CNTN1: variants seen among roughly 807,000 people sequenced by gnomAD.
CNTN1 encodes the protein contactin 1.
A neutral mutation model predicts 126.4 loss-of-function variants in CNTN1; 38 were observed. That is an observed-to-expected ratio of 0.30 (90% CI 0.23 to 0.39). The LOEUF is 0.39. CNTN1 is among the 10% of genes least tolerant of loss of function. The probability of loss-of-function intolerance (pLI) is 1.00; values close to 1 mark genes in which losing one functional copy is unlikely to be tolerated. For missense variants in CNTN1, 1,009 were observed against 1,248.4 expected (o/e 0.81, Z 2.89); for synonymous variants, 413 against 422.6 (o/e 0.98, Z 0.28).
intron 1 of CNTN1, among the ~76,000 whole-genome samples, chr12:40,783,093 C>G (rs1228150394): frequency 6.6e-6 from 1 of 151,830 alleles, no homozygotes; most frequent in African/African-American, 2.4e-5. Context: ...TGAGTTTGGT[C>G]TCTATTTTGC....
At chr12:41,010,721 C>G (rs1316572788) in intron 17 of CNTN1, among the ~76,000 whole-genome samples, 1 of 152,158 alleles carries the variant, frequency 6.6e-6, no homozygotes, top group East Asian at 1.9e-4. Context: ...CTGCAGGATT[C>G]TCATCTGGTT....
chr12:40,933,884 TA>T lies in CNTN1; in HGVS notation c.985+7del. The T allele has an allele frequency of 6.2e-7, 1 of 1,603,878 alleles. No homozygotes were observed. On this transcript the variant is annotated splice_region_variant and intron_variant, in intron 9 of 23. Transcript: ENST00000551295. ...AGCAAGAATTTATGTTCAAGGTAGA[TA>T]CATTATTTTAATTTTGTATAAATTT...
intron 12 of CNTN1, among the ~76,000 whole-genome samples, chr12:40,942,292 T>C (rs974083877): frequency 2.0e-5 from 3 of 151,968 alleles, no homozygotes; most frequent in Non-Finnish European, 2.9e-5. Flanking sequence ...TGGCAATGCA[T>C]GGGAGGGAAA....
intron 23 of CNTN1, among the ~76,000 whole-genome samples, chr12:41,042,170 T>G (rs1019135633): frequency 5.3e-5 from 8 of 152,288 alleles, no homozygotes; most frequent in Admixed American, 2.0e-4. Flanking sequence ...CATTTCGTTA[T>G]GTACCCAGTA....
At chr12:40,869,340 C>T (rs575660278) in intron 1 of CNTN1, among the ~76,000 whole-genome samples, 4 of 151,440 alleles carry the variant, frequency 2.6e-5, no homozygotes, top group Admixed American at 2.6e-4. Context: ...TATCACAGCC[C>T]ACTACAGCCT....
intron 1 of CNTN1, among the ~76,000 whole-genome samples, chr12:40,704,496 G>C (rs1209535106): frequency 6.6e-6 from 1 of 151,992 alleles, no homozygotes; most frequent in Admixed American, 6.6e-5. Flanking sequence ...CTTTTTCACA[G>C]CTTCTTTGAT....
chr12:40,947,584 T>C (rs1390314040), intron 14 of CNTN1, among the ~76,000 whole-genome samples: 1 of 151,838 alleles, frequency 6.6e-6, no homozygotes, highest in Non-Finnish European at 1.5e-5. Flanking sequence ...AAATATCTCA[T>C]TTTATTCCTC....
At chr12:40,925,607 GTGTATATATATATATACACA>G (rs1945636243) in intron 6 of CNTN1, among the ~76,000 whole-genome samples, 2 of 141,602 alleles carry the variant, frequency 1.4e-5, no homozygotes, top group African/African-American at 2.6e-5. Context: ...ATATATATAC[GTGTATATATATATATACACA>G]TATATATATA....
At chr12:41,069,920 T>C (rs1950128404) in intron 23 of CNTN1, 39 bp from the exon 24 acceptor site, 2 of 1,519,212 alleles carry the variant, frequency 1.3e-6, no homozygotes, top group Non-Finnish European at 1.8e-6. Context: ...GTGACATGTA[T>C]CAATGAAATA....
At chr12:40,719,709 T>C (rs533865666) in intron 1 of CNTN1, among the ~76,000 whole-genome samples, 2 of 152,246 alleles carry the variant, frequency 1.3e-5, no homozygotes, top group Non-Finnish European at 2.9e-5. Flanking sequence ...GCTACATAAC[T>C]GTAGATCTTA....
At chr12:40,880,520 A>G (rs1311367141) in intron 1 of CNTN1, among the ~76,000 whole-genome samples, 3 of 152,072 alleles carry the variant, frequency 2.0e-5, no homozygotes, top group Non-Finnish European at 4.4e-5. Flanking sequence ...TGAGAATGCT[A>G]GAAAGGAGAG....
chr12:40,915,740 T>G (rs1425463240), intron 3 of CNTN1, among the ~76,000 whole-genome samples: 1 of 152,070 alleles, frequency 6.6e-6, no homozygotes, highest in African/African-American at 2.4e-5. Context: ...TTTTTTTTTC[T>G]TTGATAGATC....
chr12:41,012,421 G>C (rs539772633), intron 17 of CNTN1, among the ~76,000 whole-genome samples: 1 of 152,294 alleles, frequency 6.6e-6, no homozygotes, highest in South Asian at 2.1e-4. Context: ...AGTTATGACA[G>C]TTGCCAACAG....
chr12:41,010,109 GAA>G (rs1491131035), intron 17 of CNTN1, among the ~76,000 whole-genome samples: 2 of 151,506 alleles, frequency 1.3e-5, no homozygotes, highest in African/African-American at 4.9e-5. Flanking sequence ...TTAGAGAGGA[GAA>G]GAGAGAGAGA....
chr12:40,940,072 A>T (rs918170341), intron 12 of CNTN1, among the ~76,000 whole-genome samples: 11 of 152,186 alleles, frequency 7.2e-5, no homozygotes, highest in Non-Finnish European at 1.5e-4. Flanking sequence ...AGCCACACTG[A>T]ATAGTTTATA....
intron 1 of CNTN1, among the ~76,000 whole-genome samples, chr12:40,850,317 CCA>C (rs1453337155): frequency 6.6e-6 from 1 of 152,042 alleles, no homozygotes. Context: ...ATAGACTAGG[CCA>C]CAGTTATTTT....
intron 1 of CNTN1, among the ~76,000 whole-genome samples, chr12:40,694,070 CG>C (rs1941382239): frequency 6.6e-6 from 1 of 152,092 alleles, no homozygotes; most frequent in African/African-American, 2.4e-5. Context: ...TAATACATGC[CG>C]TATCTGGGAT....
At chr12:41,043,078 A>G (rs1949455078) in intron 23 of CNTN1, among the ~76,000 whole-genome samples, 1 of 152,224 alleles carries the variant, frequency 6.6e-6, no homozygotes. Context: ...ACCATTCAAG[A>G]CATAGGCATG....
chr12:40,965,076 T>A (rs1947258165), intron 15 of CNTN1, among the ~76,000 whole-genome samples: 2 of 152,162 alleles, frequency 1.3e-5, no homozygotes, highest in Admixed American at 1.3e-4. Flanking sequence ...AAGATAAAAG[T>A]GTTCTAATGG....
Sources: allele counts gnomAD v4.1 joint callset (sites outside exome capture counted in the v4.1 genomes callset), GRCh38; gene constraint gnomAD v4.1.1; transcripts MANE v1.5; gene names NCBI Gene and HGNC (gene_info 2026-07-23, HGNC 2026-07-21).